The following AKAP7 variants were observed in gnomAD, a reference collection of about 807,000 sequenced individuals.
The protein encoded by AKAP7 is A kinase (PRKA) anchor protein 7.
In AKAP7, 39 loss-of-function variants were observed where a neutral mutation model predicts 39.5. The ratio of observed to expected loss-of-function variants is 0.99; its 90% CI spans 0.76 to 1.29. The LOEUF is 1.29. Among genes scored for constraint, AKAP7 ranks in the 50% most tolerant of loss-of-function variants. The pLI is 0.00. For missense variants in AKAP7, 414 were observed against 407.7 expected (o/e 1.02, Z -0.13); for synonymous variants, 140 against 139.1 (o/e 1.01, Z -0.05).
intron 5 of AKAP7, among the ~76,000 whole-genome samples, chr6:131,181,741 C>T (rs772721495): frequency 6.6e-6 from 1 of 152,128 alleles, no homozygotes; most frequent in Non-Finnish European, 1.5e-5. Context: ...TGGGCCATGT[C>T]ATGTCTTCAT....
intron 2 of AKAP7, among the ~76,000 whole-genome samples, chr6:131,157,596 C>G (rs2698108): frequency 0.65 from 98,922 of 152,022 alleles, 33,625 homozygotes; most frequent in African/African-American, 0.83. Flanking sequence ...GTGATATATT[C>G]ATTTGATTTG....
intron 7 of AKAP7, among the ~76,000 whole-genome samples, chr6:131,238,848 T>C (rs1167088701): frequency 1.3e-5 from 2 of 152,234 alleles, no homozygotes; most frequent in East Asian, 3.8e-4. Flanking sequence ...TGATAGGTCT[T>C]GACTCTTTAT....
chr6:131,180,696 G>A (rs995929701), intron 5 of AKAP7, among the ~76,000 whole-genome samples: 1 of 152,134 alleles, frequency 6.6e-6, no homozygotes, highest in Non-Finnish European at 1.5e-5. Context: ...TTCACTGCAT[G>A]CCACATCGTG....
chr6:131,163,842 G>A (rs907680438), intron 3 of AKAP7, among the ~76,000 whole-genome samples: 2 of 152,058 alleles, frequency 1.3e-5, no homozygotes, highest in African/African-American at 4.8e-5. Flanking sequence ...TATGGAGGGT[G>A]GTTAGACACC....
chr6:131,133,527 T>C (rs674337), upstream of AKAP7, among the ~76,000 whole-genome samples: 20,276 of 152,190 alleles, frequency 0.13, 1,688 homozygotes, highest in South Asian at 0.18. Flanking sequence ...CTCCACATGG[T>C]AGGTGTTGAT....
At chr6:131,144,984 T>C (rs1242378299) in intron 1 of AKAP7, among the ~76,000 whole-genome samples, 1 of 152,214 alleles carries the variant, frequency 6.6e-6, no homozygotes, top group Non-Finnish European at 1.5e-5. Flanking sequence ...AACGTAGTTT[T>C]AGAATTAAAA....
intron 3 of AKAP7, among the ~76,000 whole-genome samples, chr6:131,163,983 G>T (rs1803231714): frequency 6.6e-6 from 1 of 152,062 alleles, no homozygotes; most frequent in East Asian, 1.9e-4. Context: ...CTAAAGTTTT[G>T]GTCAAAGGAG....
At position 131,282,249 on chromosome 6, in the gene AKAP7, A is replaced by G; in HGVS notation, c.*523A>G. 1 of 1,355,170 alleles carries G rather than the reference A, an allele frequency of 7.4e-7. No individual in the cohort carries two copies. The allele number at this position is 1,355,170 out of a possible 1,614,324, so 83.9% of individuals were successfully genotyped here. ...GCAGTGTGATCTTTATTTATAGTAA[A>G]TTATGTTTCATGTAAATGATATATT... On this transcript the variant is annotated 3_prime_UTR_variant, in exon 8 of 8. Coordinates refer to ENST00000431975, the MANE Select transcript of AKAP7 (RefSeq NM_016377.4).
chr6:131,160,216 T>C lies in AKAP7; in HGVS notation c.291+18T>C, dbSNP rs1802817800. 1.3e-6 allele frequency: 2 copies of C among 1,589,638 alleles called. No individual in the cohort carries two copies. The highest frequency in any genetic ancestry group is 2.3e-5 in the East Asian group (1 of 44,426). ...ACAAAGAGGTGCTATTTTTAAAAAG[T>C]TATTTTTACTGTGAAATTTTATTCT... is the stretch of plus-strand genomic sequence containing the variant. On this transcript the variant is annotated intron_variant, in intron 3 of 7. Transcript: ENST00000431975.
chr6:131,253,206 T>C (rs759173200), intron 7 of AKAP7: 4 of 1,102,156 alleles, frequency 3.6e-6, no homozygotes, highest in Non-Finnish European at 5.3e-6. Context: ...TTAATTGATT[T>C]ATTAGTGCTA....
chr6:131,236,095 A>G (rs1227431127), intron 7 of AKAP7, among the ~76,000 whole-genome samples: 1 of 152,196 alleles, frequency 6.6e-6, no homozygotes, highest in African/African-American at 2.4e-5. Context: ...GGTGTAAAGA[A>G]GGGATCCAGT....
intron 1 of AKAP7, among the ~76,000 whole-genome samples, chr6:131,143,747 T>A (rs1344314215): frequency 3.0e-5 from 4 of 135,490 alleles, no homozygotes; most frequent in Non-Finnish European, 6.5e-5. Context: ...TCTTTTTTTT[T>A]TTTTATTTTT....
intron 6 of AKAP7, among the ~76,000 whole-genome samples, chr6:131,207,012 C>CA (rs1305829579): frequency 4.6e-5 from 7 of 152,156 alleles, no homozygotes; most frequent in Non-Finnish European, 8.8e-5. Flanking sequence ...TAGTCCTGGA[C>CA]AAAATCACAT....
At chr6:131,229,473 C>G (rs1810463187) in intron 7 of AKAP7, among the ~76,000 whole-genome samples, 1 of 152,110 alleles carries the variant, frequency 6.6e-6, no homozygotes, top group African/African-American at 2.4e-5. Flanking sequence ...CTCAGCCTCC[C>G]AAGTAGTTGG....
At chr6:131,222,588 T>C (rs1276117984) in intron 7 of AKAP7, among the ~76,000 whole-genome samples, 2 of 152,042 alleles carry the variant, frequency 1.3e-5, no homozygotes, top group African/African-American at 4.8e-5. Flanking sequence ...AGCCTGAAGA[T>C]GGGATTGAAT....
At chr6:131,197,919 TCAGA>T (rs1807109565) in intron 5 of AKAP7, among the ~76,000 whole-genome samples, 1 of 152,178 alleles carries the variant, frequency 6.6e-6, no homozygotes. Flanking sequence ...TTATTGGTGA[TCAGA>T]CAAAGAAACA....
chr6:131,163,562 GA>G (rs1803193474), intron 3 of AKAP7, among the ~76,000 whole-genome samples: 1 of 152,008 alleles, frequency 6.6e-6, no homozygotes, highest in Admixed American at 6.6e-5. Flanking sequence ...TAGTTTTAAA[GA>G]AAAAAGTATC....
At chr6:131,270,878 GA>G (rs1216276468) in intron 7 of AKAP7, among the ~76,000 whole-genome samples, 1 of 151,978 alleles carries the variant, frequency 6.6e-6, no homozygotes, top group African/African-American at 2.4e-5. Context: ...CTTATTTTGT[GA>G]AAAAAACTTT....
At chr6:131,222,325 A>G (rs1459627880) in intron 7 of AKAP7, among the ~76,000 whole-genome samples, 5 of 152,178 alleles carry the variant, frequency 3.3e-5, no homozygotes, top group Non-Finnish European at 7.3e-5. Context: ...GGAGATCGAG[A>G]CCATCCTGGC....
Sources: allele counts gnomAD v4.1 joint callset (sites outside exome capture counted in the v4.1 genomes callset), GRCh38; gene constraint gnomAD v4.1.1; transcripts MANE v1.5; gene names NCBI Gene and HGNC (gene_info 2026-07-23, HGNC 2026-07-21).